The following ARHGAP1 variants were observed in gnomAD, a reference collection of about 807,000 sequenced individuals.
ARHGAP1 encodes rho GTPase-activating protein 1.
ARHGAP1 carries 23 observed loss-of-function variants against 52.2 expected under a neutral mutation model. That is an observed-to-expected ratio of 0.44 (90% CI 0.32 to 0.62). The LOEUF is 0.62. ARHGAP1 is among the 20% of genes least tolerant of loss of function. ARHGAP1 has a pLI of 0.05. For synonymous variants in ARHGAP1, 210 were observed against 228.4 expected (o/e 0.92, Z 0.73); for missense variants, 480 against 560.9 (o/e 0.86, Z 1.46).
chr11:46,691,877 A>G (rs1204220994), intron 3 of ARHGAP1, among the ~76,000 whole-genome samples: 1 of 152,176 alleles, frequency 6.6e-6, no homozygotes, highest in South Asian at 2.1e-4. Flanking sequence ...CATGAGCCAC[A>G]GCACCTGGCC....
chr11:46,690,204 G>A (rs1406942078), intron 3 of ARHGAP1, among the ~76,000 whole-genome samples: 2 of 151,700 alleles, frequency 1.3e-5, no homozygotes, highest in Non-Finnish European at 2.9e-5. Context: ...GTGAAACCCC[G>A]TCTTTACTAA....
At chr11:46,695,262 G>T in intron 3 of ARHGAP1, 1 of 353,896 alleles carries the variant, frequency 2.8e-6, no homozygotes, top group East Asian at 7.4e-5. Context: ...CTTCCCTAGG[G>T]CTACAATTTC....
rs561615825 is a variant in ARHGAP1 at position 46,692,790 on chromosome 11, C to T, written c.229+2870G>A. Among the ~76,000 whole-genome samples, 225 of 152,074 alleles carry T rather than the reference C, an allele frequency of 1.5e-3. 2 individuals are homozygous for T. Among genetic ancestry groups the T allele is most frequent in the Middle Eastern group, 3.4e-3 (1 of 290 alleles). On this transcript the variant is annotated intron_variant, in intron 3 of 12. Coordinates refer to ENST00000311956, the MANE Select transcript of ARHGAP1 (RefSeq NM_004308.5). ...GCAACCTCTACCTCCTGGGTTCAAA[C>T]GATTCTCCTGCCTCAGCCTCCTGAG...
At chr11:46,699,358 C>T (rs2074147861) in intron 1 of ARHGAP1, among the ~76,000 whole-genome samples, 2 of 152,176 alleles carry the variant, frequency 1.3e-5, no homozygotes, top group African/African-American at 4.8e-5. Context: ...ACAAACTCAA[C>T]CTCACGATAG....
chr11:46,690,489 C>A (rs1592389898), intron 3 of ARHGAP1, among the ~76,000 whole-genome samples: 1 of 152,090 alleles, frequency 6.6e-6, no homozygotes, highest in East Asian at 1.9e-4. Flanking sequence ...ACCTCAGCTT[C>A]CCAAGCAGCT....
intron 3 of ARHGAP1, among the ~76,000 whole-genome samples, chr11:46,693,683 G>T (rs1490083977): frequency 6.6e-6 from 1 of 151,954 alleles, no homozygotes; most frequent in Non-Finnish European, 1.5e-5. Context: ...AGGCATTCTG[G>T]GCCCCCTCAA....
chr11:46,688,627 G>A (rs2064589656), intron 3 of ARHGAP1, among the ~76,000 whole-genome samples: 1 of 151,952 alleles, frequency 6.6e-6, no homozygotes, highest in African/African-American at 2.4e-5. Context: ...GACTATAGGT[G>A]AGCACCACCA....
In ARHGAP1 at chr11:46,680,119, G is replaced by T; in HGVS notation, c.898+86C>A. On this transcript the variant is annotated intron_variant, in intron 10 of 12. Coordinates refer to ENST00000311956, the MANE Select transcript of ARHGAP1 (RefSeq NM_004308.5). The surrounding 1 kb of genome is among the most constrained non-coding windows in gnomAD (Gnocchi z 5.9). ...AACCTCCAGCAGGAAGAGACTCTGA[G>T]ACTCTCATTTACAGGGCAGCAGAGG... 1 of 1,443,468 alleles carries T rather than the reference G, an allele frequency of 6.9e-7. No individual in the cohort carries two copies. The highest frequency in any genetic ancestry group is 9.7e-7 in the Non-Finnish European group (1 of 1,029,012). 89.4% of individuals were successfully genotyped at this position (1,443,468 alleles called of 1,614,324 possible).
chr11:46,683,908 G>A (rs1311152902), intron 4 of ARHGAP1, among the ~76,000 whole-genome samples: 1 of 152,202 alleles, frequency 6.6e-6, no homozygotes, highest in African/African-American at 2.4e-5. Flanking sequence ...CCAAAGTGCT[G>A]GGATTACAGG....
Position 46,679,656 on chromosome 11 carries a change from C to T in ARHGAP1, c.1019G>A (p.Gly340Asp). ...AAGAGATGGGGACTCACTGAGGAAG[C>T]CCACCACATGGGGGTAGAGGTCAAA... ...LTFDLYPHVV[G>D]FLNIDESQRV... is the part of the protein sequence containing the mutation. Residue 340 changes from glycine to aspartate, a missense_variant, in exon 11 of 13, where the codon GGC (glycine) becomes GAC (aspartate). Transcript: ENST00000311956. This position sits in a 1 kb window ranked among gnomAD's most constrained non-coding sequence, Gnocchi z 4.4. 6.2e-7 allele frequency: 1 copy of T among 1,614,030 alleles called. No individual in the cohort carries two copies. The highest frequency in any genetic ancestry group is 8.5e-7 in the Non-Finnish European group (1 of 1,179,974).
rs993603844 is a variant in ARHGAP1, at chr11:46,678,774, T to C, written c.*263A>G. 2 of 492,572 alleles carry C rather than the reference T, an allele frequency of 4.1e-6. No homozygotes were observed. Among genetic ancestry groups the C allele is most frequent in the African/African-American group, 4.0e-5 (2 of 50,142 alleles). 30.5% of individuals were successfully genotyped at this position (492,572 alleles called of 1,614,324 possible). ...TACTGGGGCTCAGTCCTTCTCCAGC[T>C]GGAAGAGCCAAGCCCAGCTCTGGAG... On this transcript the variant is annotated 3_prime_UTR_variant, in exon 13 of 13. Coordinates refer to ENST00000311956, the MANE Select transcript of ARHGAP1 (RefSeq NM_004308.5).
At position 46,696,507 on chromosome 11, in the gene ARHGAP1, G is replaced by A. The variant is rs1171520423; in HGVS notation, c.-49-351C>T. 1.3e-5 allele frequency among the ~76,000 whole-genome samples: 2 copies of A among 152,208 alleles called. No homozygotes were observed. The highest frequency in any genetic ancestry group is 2.4e-5 in the African/African-American group (1 of 41,450). On this transcript the variant is annotated intron_variant, in intron 1 of 12. Transcript: ENST00000311956. The surrounding 1 kb of genome is among the most constrained non-coding windows in gnomAD (Gnocchi z 4.8). ...TAGAGGGCAGAGGTCCACGCCCCTC[G>A]CCTCAGGAGACCTGGACACAGAAGC...
intron 4 of ARHGAP1, among the ~76,000 whole-genome samples, chr11:46,686,319 A>G (rs2064568321): frequency 6.6e-6 from 1 of 152,066 alleles, no homozygotes. Context: ...CACAAGTCTC[A>G]TTTTTACAGG....
rs563813368 is a variant in ARHGAP1, at chr11:46,678,955, G to A, written c.*82C>T. On this transcript the variant is annotated 3_prime_UTR_variant, in exon 13 of 13. Coordinates refer to ENST00000311956, the MANE Select transcript of ARHGAP1 (RefSeq NM_004308.5). Reference sequence around the variant, plus strand: ...GGGTGGCTCCAACATCTCTCTCCAGGGGGCTTCATGGCCCCTGATGCCAGG... The same window carrying A: ...GGGTGGCTCCAACATCTCTCTCCAGAGGGCTTCATGGCCCCTGATGCCAGG... 1.4e-6 allele frequency: 2 copies of A among 1,461,744 alleles called. No homozygotes were observed. Among genetic ancestry groups the A allele is most frequent in the South Asian group, 1.2e-5 (1 of 80,186 alleles). The allele number at this position is 1,461,744 out of a possible 1,614,324, so 90.5% of individuals were successfully genotyped here.
chr11:46,683,177 C>T (rs182069153), intron 4 of ARHGAP1, among the ~76,000 whole-genome samples: 43 of 151,848 alleles, frequency 2.8e-4, no homozygotes, highest in African/African-American at 9.4e-4. Flanking sequence ...TAGTAGGAAC[C>T]GCAGGTGTGA....
chr11:46,681,951 CT>C lies in ARHGAP1; in HGVS notation c.449+99del. The C allele has an allele frequency of 6.5e-7, 1 of 1,548,098 alleles. No homozygotes were observed. On this transcript the variant is annotated intron_variant, in intron 5 of 12. Transcript: ENST00000311956. The surrounding 1 kb of genome is among the most constrained non-coding windows in gnomAD (Gnocchi z 5.7). ...CGTAGACGGCAGCCCCCGCCACCCC[CT>C]GCCTTGGAATAAGCTCCTGCCCAAG...
At position 46,688,264 on chromosome 11, in the gene ARHGAP1, G is replaced by C. The variant is rs890513664; in HGVS notation, c.230-4C>G. The C allele has an allele frequency of 6.2e-7, 1 of 1,612,722 alleles. No individual in the cohort carries two copies. The highest frequency in any genetic ancestry group is 8.5e-7 in the Non-Finnish European group (1 of 1,179,338). ...TTCCGCCCATACTTGTCATCTCCTA[G>C]GTGTGGAGAAAGATGGAGCACAGTG... is the stretch of plus-strand genomic sequence containing the variant. On this transcript the variant is annotated splice_region_variant and splice_polypyrimidine_tract_variant and intron_variant, in intron 3 of 12. Coordinates refer to ENST00000311956, the MANE Select transcript of ARHGAP1 (RefSeq NM_004308.5).
chr11:46,680,694 G>C lies in ARHGAP1; in HGVS notation c.689C>G (p.Pro230Arg). ...GGGCAGGGGGGGCCGTGGGGGCATG[G>C]GCTTGGGGGCTGTCGCGGGGCTCTT... Reference protein sequence around the residue: ...TQKSPATAPKPMPPRPPLPNQ... With the variant: ...TQKSPATAPKRMPPRPPLPNQ... Residue 230 changes from proline (P) to arginine (R), a missense_variant, in exon 8 of 13, where the codon CCC (proline) becomes CGC (arginine). Coordinates refer to ENST00000311956, the MANE Select transcript of ARHGAP1 (RefSeq NM_004308.5). This position sits in a 1 kb window ranked among gnomAD's most constrained non-coding sequence, Gnocchi z 5.9. 1 of 1,594,740 alleles carries C rather than the reference G, an allele frequency of 6.3e-7. No homozygotes were observed. The highest frequency in any genetic ancestry group is 8.5e-7 in the Non-Finnish European group (1 of 1,169,828).
intron 3 of ARHGAP1, among the ~76,000 whole-genome samples, chr11:46,692,891 T>C (rs1419053184): frequency 6.6e-6 from 1 of 150,566 alleles, no homozygotes; most frequent in Non-Finnish European, 1.5e-5. Context: ...CTCGCTCTGT[T>C]GCCCAGGCTG....
Sources: allele counts gnomAD v4.1 joint callset (sites outside exome capture counted in the v4.1 genomes callset), GRCh38; gene constraint gnomAD v4.1.1; non-coding constraint Gnocchi (gnomAD v3.1); transcripts MANE v1.5; gene names NCBI Gene and HGNC (gene_info 2026-07-23, HGNC 2026-07-21).